The following LRBA variants were observed in gnomAD, a reference collection of about 807,000 sequenced individuals.
The protein encoded by LRBA is LPS responsive beige-like anchor protein.
In LRBA, 176 loss-of-function variants were observed where a neutral mutation model predicts 330.0. That is an observed-to-expected ratio of 0.53 (90% CI 0.47 to 0.60). The LOEUF (loss-of-function observed/expected upper bound fraction) is 0.60, where lower values mean the gene tolerates loss of function less well. LRBA is among the 20% of genes least tolerant of loss of function. The pLI, the probability that LRBA is intolerant of heterozygous loss-of-function variation, is 0.00. For missense variants in LRBA, 3,259 were observed against 3,444.8 expected, an observed-to-expected ratio of 0.95 and a Z score of 1.35; for synonymous variants, 1,230 against 1,193.0, an observed-to-expected ratio of 1.03 and a Z score of -0.64.
At chr4:150,266,138 A>T (rs1053965700) in intron 56 of LRBA, among the ~76,000 whole-genome samples, 5 of 152,034 alleles carry the variant, frequency 3.3e-5, no homozygotes, top group Non-Finnish European at 5.9e-5. Context: ...CTAAAGGGGG[A>T]CTGGGCTGGC....
intron 35 of LRBA, among the ~76,000 whole-genome samples, chr4:150,740,942 G>T (rs986824270): frequency 6.6e-6 from 1 of 152,056 alleles, no homozygotes; most frequent in Non-Finnish European, 1.5e-5. Flanking sequence ...ACTGGTCTTA[G>T]ATCAATCAAC....
chr4:150,380,348 T>C (rs572129013), intron 47 of LRBA, among the ~76,000 whole-genome samples: 22 of 152,154 alleles, frequency 1.4e-4, no homozygotes, highest in Non-Finnish European at 2.6e-4. Context: ...GTTAAGAATT[T>C]TTCTTTCCCC....
At chr4:150,673,129 A>AG (rs955067724) in intron 37 of LRBA, among the ~76,000 whole-genome samples, 1 of 152,206 alleles carries the variant, frequency 6.6e-6, no homozygotes, top group Non-Finnish European at 1.5e-5. Flanking sequence ...CCATAAAACA[A>AG]GGAGAGGCAT....
At chr4:150,390,465 A>G (rs1743760009) in intron 47 of LRBA, among the ~76,000 whole-genome samples, 1 of 152,132 alleles carries the variant, frequency 6.6e-6, no homozygotes, top group African/African-American at 2.4e-5. Flanking sequence ...ATCTCATTTT[A>G]AGAGTGACCC....
intron 40 of LRBA, among the ~76,000 whole-genome samples, chr4:150,527,790 T>C (rs1031898872): frequency 3.9e-5 from 6 of 152,108 alleles, no homozygotes; most frequent in Admixed American, 1.3e-4. Flanking sequence ...ATGAAAGAAT[T>C]TGTACAATAT....
intron 43 of LRBA, among the ~76,000 whole-genome samples, chr4:150,469,055 A>T (rs1476656793): frequency 7.9e-5 from 12 of 151,934 alleles, no homozygotes; most frequent in Non-Finnish European, 1.5e-5. Flanking sequence ...ATGCTCCCCC[A>T]CTTCCTTCTC....
intron 38 of LRBA, chr4:150,596,996 A>T: frequency 4.6e-6 from 3 of 654,462 alleles, no homozygotes; most frequent in Non-Finnish European, 8.0e-6. Context: ...ATTTTTAAAC[A>T]TATATTTCAA....
chr4:150,634,440 T>C lies in LRBA; in HGVS notation c.5922-35309A>G, dbSNP rs147565580. Among the ~76,000 whole-genome samples, 1,084 of 152,212 alleles carry C rather than the reference T, an allele frequency of 7.1e-3. 39 individuals are homozygous for C. The highest frequency in any genetic ancestry group is 0.055 in the Admixed American group (839 of 15,298). On this transcript the variant is annotated intron_variant, in intron 37 of 56. Transcript: ENST00000651943. ...GAATATTCACTGACTATTCAATCAA[T>C]AAGATAAAAGCCAATTAAATTTTTT...
rs140928538 is a variant in LRBA, at chr4:150,656,688, A to G, written c.5921+26863T>C. 4.5e-4 allele frequency among the ~76,000 whole-genome samples: 69 copies of G among 152,334 alleles called. 1 individual carries two copies. Among genetic ancestry groups the G allele is most frequent in the Middle Eastern group, 6.8e-3 (2 of 294 alleles). Reference sequence around the variant, plus strand: ...CAGACAACTGTAAGTATTACTAAATAAATGTTTATTGGGCACTATAATATT... The same window carrying G: ...CAGACAACTGTAAGTATTACTAAATGAATGTTTATTGGGCACTATAATATT... On this transcript the variant is annotated intron_variant, in intron 37 of 56. Transcript: ENST00000651943.
At position 150,831,882 on chromosome 4, in the gene LRBA, T is replaced by G; in HGVS notation, c.4664A>C (p.Gln1555Pro). ...ACATGACTGGCTATGCCTTTCATTTTGGGGTTCCAAAATGTCTCTGTACTT... is the reference window on the plus strand; with the variant it reads ...ACATGACTGGCTATGCCTTTCATTTGGGGGTTCCAAAATGTCTCTGTACTT... The part of the protein sequence containing the change: ...VSKYRDILEP[Q>P]NERHSQSCTE... Residue 1555 changes from glutamine to proline, a missense_variant, in exon 29 of 57, where the codon CAA becomes CCA. Transcript: ENST00000651943. The G allele has an allele frequency of 6.2e-7, 1 of 1,606,108 alleles. No individual in the cohort carries two copies. Among genetic ancestry groups the G allele is most frequent in the Non-Finnish European group, 8.5e-7 (1 of 1,176,050 alleles).
chr4:150,781,756 A>C (rs1738255757), intron 34 of LRBA, among the ~76,000 whole-genome samples: 1 of 152,130 alleles, frequency 6.6e-6, no homozygotes, highest in Non-Finnish European at 1.5e-5. Context: ...ATACAATATT[A>C]ATTTATTTTG....
chr4:150,752,019 G>T (rs1232099132), intron 35 of LRBA, among the ~76,000 whole-genome samples: 1 of 152,084 alleles, frequency 6.6e-6, no homozygotes, highest in Non-Finnish European at 1.5e-5. Flanking sequence ...AGAAAGGAAA[G>T]TTACTACTTT....
chr4:150,901,228 G>A (rs1038675485), intron 13 of LRBA, among the ~76,000 whole-genome samples: 9 of 152,200 alleles, frequency 5.9e-5, no homozygotes, highest in Middle Eastern at 3.4e-3. Flanking sequence ...GAACCCAGGA[G>A]GTAGAGAGTG....
intron 36 of LRBA, among the ~76,000 whole-genome samples, chr4:150,687,280 A>C (rs910711938): frequency 1.3e-5 from 2 of 152,098 alleles, no homozygotes; most frequent in Non-Finnish European, 2.9e-5. Context: ...TCTAGAATCA[A>C]ATACATATTA....
chr4:150,620,690 A>C (rs979350334), intron 37 of LRBA, among the ~76,000 whole-genome samples: 2 of 152,180 alleles, frequency 1.3e-5, no homozygotes, highest in Non-Finnish European at 2.9e-5. Context: ...TTATTCTAAG[A>C]GAAGTAACTG....
At chr4:150,395,375 C>T (rs1744586892) in intron 47 of LRBA, among the ~76,000 whole-genome samples, 1 of 151,880 alleles carries the variant, frequency 6.6e-6, no homozygotes. Context: ...CAACTTCTTC[C>T]CCTTATGTTC....
intron 17 of LRBA, among the ~76,000 whole-genome samples, chr4:150,891,729 C>T (rs978629767): frequency 9.9e-5 from 15 of 152,132 alleles, no homozygotes; most frequent in Admixed American, 7.2e-4. Context: ...TGGACACCCA[C>T]GCACACACTA....
At chr4:150,571,672 T>TTG (rs1303123921) in intron 40 of LRBA, among the ~76,000 whole-genome samples, 2 of 145,608 alleles carry the variant, frequency 1.4e-5, no homozygotes, top group Non-Finnish European at 3.0e-5. Flanking sequence ...TTTTTTTTTT[T>TTG]TTGAGAAATT....
chr4:150,337,125 A>G (rs1734856477), intron 48 of LRBA, among the ~76,000 whole-genome samples: 4 of 152,186 alleles, frequency 2.6e-5, no homozygotes, highest in Admixed American at 2.6e-4. Flanking sequence ...TCACATTAAG[A>G]AGGTTAAATT....
Sources: allele counts gnomAD v4.1 joint callset (sites outside exome capture counted in the v4.1 genomes callset), GRCh38; gene constraint gnomAD v4.1.1; transcripts MANE v1.5; gene names NCBI Gene and HGNC (gene_info 2026-07-23, HGNC 2026-07-21).